TGFBRAP1: variants seen among roughly 807,000 people sequenced by gnomAD.
TGFBRAP1 encodes the protein transforming growth factor-beta receptor-associated protein 1.
TGFBRAP1 carries 20 observed loss-of-function variants against 83.2 expected under a neutral mutation model. That is an observed-to-expected ratio of 0.24 (90% CI 0.17 to 0.35). The LOEUF (loss-of-function observed/expected upper bound fraction) is 0.35. Ranked by LOEUF, TGFBRAP1 falls within the 10% of genes least tolerant of loss-of-function variation. The pLI is 1.00. For missense variants in TGFBRAP1, 950 were observed against 1,099.4 expected (o/e 0.86, Z 1.92); for synonymous variants, 415 against 459.8 (o/e 0.90, Z 1.25).
At position 105,277,594 on chromosome 2, in the gene TGFBRAP1, G is replaced by A. The variant is rs1677392519; in HGVS notation, c.1521+20C>T. On this transcript the variant is annotated intron_variant, in intron 7 of 11. Transcript: ENST00000393359. The stretch of plus-strand genomic sequence containing the variant: ...CATGGTGCTGATTTTTAAATCATGT[G>A]GAAACCCTTCTAGACTCACCTGAAC... 1.2e-6 allele frequency: 2 copies of A among 1,613,280 alleles called. No individual in the cohort carries two copies. Among genetic ancestry groups the A allele is most frequent in the South Asian group, 1.1e-5 (1 of 91,054 alleles).
chr2:105,273,831 TG>T (rs1259153755), intron 8 of TGFBRAP1, 141 bp from the exon 9 acceptor site: 1 of 1,068,752 alleles, frequency 9.4e-7, no homozygotes, highest in African/African-American at 1.6e-5. Flanking sequence ...CACAGCTTTT[TG>T]TATGTCAATC....
At chr2:105,327,972 C>T (rs1170735244) in intron 1 of TGFBRAP1, among the ~76,000 whole-genome samples, 1 of 152,210 alleles carries the variant, frequency 6.6e-6, no homozygotes, top group East Asian at 1.9e-4. Context: ...AACAATTACT[C>T]AAAACATAAA....
At chr2:105,272,340 T>C (rs892871804) in intron 10 of TGFBRAP1, among the ~76,000 whole-genome samples, 2 of 152,130 alleles carry the variant, frequency 1.3e-5, no homozygotes, top group Non-Finnish European at 2.9e-5. Flanking sequence ...AATGGGTCGC[T>C]GGGGGCAGTG....
chr2:105,285,528 C>T (rs17030750), intron 4 of TGFBRAP1, among the ~76,000 whole-genome samples: 2,963 of 152,308 alleles, frequency 0.019, 102 homozygotes, highest in African/African-American at 0.067. Flanking sequence ...CAGATCTTTC[C>T]ACTCACTGAT....
At chr2:105,254,985 G>C in the TGFBRAP1 span, among the ~76,000 whole-genome samples, 1 of 152,194 alleles carries the variant, frequency 6.6e-6, no homozygotes, top group African/African-American at 2.4e-5. Context: ...AGAACTGTGA[G>C]AACTAAGTTT....
intron 5 of TGFBRAP1, among the ~76,000 whole-genome samples, chr2:105,283,599 A>G (rs889191034): frequency 6.6e-6 from 1 of 152,194 alleles, no homozygotes; most frequent in African/African-American, 2.4e-5. Context: ...GTCTAACTTA[A>G]TCTTCTGCAA....
chr2:105,309,299 C>T (rs1573209848), intron 1 of TGFBRAP1, among the ~76,000 whole-genome samples: 1 of 152,294 alleles, frequency 6.6e-6, no homozygotes, highest in Non-Finnish European at 1.5e-5. Flanking sequence ...CAGAGAATGA[C>T]GGGAGCTGCA....
the TGFBRAP1 span, among the ~76,000 whole-genome samples, chr2:105,250,986 C>T: frequency 6.6e-6 from 1 of 152,198 alleles, no homozygotes; most frequent in African/African-American, 2.4e-5. Flanking sequence ...AGTGCAGTGG[C>T]GTGATCTCGG....
intron 1 of TGFBRAP1, chr2:105,324,079 A>G (rs1345191509): frequency 2.0e-5 from 3 of 152,190 alleles, no homozygotes; most frequent in African/African-American, 7.2e-5. Flanking sequence ...AAAGTGGGGA[A>G]ACTGGATCAG....
At chr2:105,258,014 A>C in the TGFBRAP1 span, among the ~76,000 whole-genome samples, 1 of 152,258 alleles carries the variant, frequency 6.6e-6, no homozygotes, top group Non-Finnish European at 1.5e-5. Context: ...GAATGAATGG[A>C]AAATGGAAAA....
At chr2:105,282,423 C>T (rs184462676) in intron 5 of TGFBRAP1, among the ~76,000 whole-genome samples, 1 of 152,180 alleles carries the variant, frequency 6.6e-6, no homozygotes, top group African/African-American at 2.4e-5. Context: ...AGTCAGAGGA[C>T]GGGTCCAGTT....
chr2:105,299,480 T>C (rs1045233173), intron 2 of TGFBRAP1, among the ~76,000 whole-genome samples: 3 of 152,012 alleles, frequency 2.0e-5, no homozygotes, highest in African/African-American at 7.2e-5. Context: ...TGGACACCAA[T>C]AACATCGCCC....
Position 105,267,127 on chromosome 2 carries a change from T to A in TGFBRAP1, c.*256A>T. The A allele has an allele frequency of 2.2e-6, 1 of 461,660 alleles. No homozygotes were observed. Among genetic ancestry groups the A allele is most frequent in the Non-Finnish European group, 3.8e-6 (1 of 262,968 alleles). The allele number at this position is 461,660 out of a possible 1,614,324, so 28.6% of individuals were successfully genotyped here. ...TTGGATTACTATGTACCTGGACAGG[T>A]GAACTCTTGTATGTTTCTGTTTTGG... On this transcript the variant is annotated 3_prime_UTR_variant, in exon 12 of 12. Coordinates refer to ENST00000393359, the MANE Select transcript of TGFBRAP1 (RefSeq NM_004257.6).
At chr2:105,276,808 C>G (rs1181925474) in intron 7 of TGFBRAP1, among the ~76,000 whole-genome samples, 1 of 152,188 alleles carries the variant, frequency 6.6e-6, no homozygotes, top group Non-Finnish European at 1.5e-5. Context: ...GCTCTGCAAT[C>G]AGGTTACCAC....
At chr2:105,321,210 A>G (rs888454916) in intron 1 of TGFBRAP1, among the ~76,000 whole-genome samples, 5 of 151,496 alleles carry the variant, frequency 3.3e-5, no homozygotes, top group African/African-American at 1.2e-4. Context: ...TTTGTTGCCC[A>G]GGCTGCAGTG....
At chr2:105,308,877 C>G (rs975481157) in intron 1 of TGFBRAP1, among the ~76,000 whole-genome samples, 1 of 152,346 alleles carries the variant, frequency 6.6e-6, no homozygotes. Flanking sequence ...CAACCACAGT[C>G]ACAGGATCCT....
chr2:105,285,064 C>T (rs1356982409), intron 4 of TGFBRAP1, among the ~76,000 whole-genome samples: 3 of 152,240 alleles, frequency 2.0e-5, no homozygotes, highest in Non-Finnish European at 2.9e-5. Context: ...ACTCCGTCAC[C>T]GTCCAGCATG....
intron 1 of TGFBRAP1, among the ~76,000 whole-genome samples, chr2:105,315,624 C>T (rs532328571): frequency 6.6e-6 from 1 of 152,114 alleles, no homozygotes; most frequent in Admixed American, 6.5e-5. Flanking sequence ...TATCTTTAAC[C>T]GAGATATTTA....
chr2:105,251,502 C>G, the TGFBRAP1 span, among the ~76,000 whole-genome samples: 16 of 150,900 alleles, frequency 1.1e-4, no homozygotes, highest in African/African-American at 3.2e-4. Context: ...GCAGCCACAC[C>G]GTCTGGGAGG....
Sources: allele counts gnomAD v4.1 joint callset (sites outside exome capture counted in the v4.1 genomes callset), GRCh38; gene constraint gnomAD v4.1.1; transcripts MANE v1.5; gene names NCBI Gene and HGNC (gene_info 2026-07-23, HGNC 2026-07-21).